Variants in SHISA9 observed in about 807,000 individuals in gnomAD.
The protein encoded by SHISA9 is shisa family member 9.
SHISA9 carries 13 observed loss-of-function variants against 38.0 expected under a neutral mutation model. The observed-to-expected ratio is 0.34, with a 90% CI of 0.22 to 0.54. SHISA9 has a LOEUF of 0.54. Ranked by LOEUF, SHISA9 falls within the 20% of genes least tolerant of loss-of-function variation. The pLI is 0.91. For synonymous variants in SHISA9, 275 were observed against 242.0 expected, an observed-to-expected ratio of 1.14 and a Z score of -1.27; for missense variants, 538 against 575.8, an observed-to-expected ratio of 0.93 and a Z score of 0.67.
intron 2 of SHISA9, among the ~76,000 whole-genome samples, chr16:12,950,057 C>T (rs972232089): frequency 5.9e-5 from 9 of 152,212 alleles, no homozygotes; most frequent in East Asian, 5.8e-4. Flanking sequence ...AAACACCGTT[C>T]TATTCTCTAG....
chr16:13,512,648 T>G, the SHISA9 span, among the ~76,000 whole-genome samples: 67 of 152,170 alleles, frequency 4.4e-4, no homozygotes, highest in African/African-American at 1.6e-3. Flanking sequence ...ATGGTACTGG[T>G]ACCAAAACAG....
the SHISA9 span, among the ~76,000 whole-genome samples, chr16:13,265,696 A>C: frequency 6.6e-6 from 1 of 151,788 alleles, no homozygotes; most frequent in African/African-American, 2.4e-5. Context: ...CAATCATCAA[A>C]CCATGTGATA....
At chr16:13,434,280 C>G in the SHISA9 span, among the ~76,000 whole-genome samples, 1 of 152,146 alleles carries the variant, frequency 6.6e-6, no homozygotes, top group Non-Finnish European at 1.5e-5. Flanking sequence ...GTAGGCCTTC[C>G]TTTCTCAGTC....
At chr16:13,244,694 C>T (rs2051459428), downstream of SHISA9, among the ~76,000 whole-genome samples, 1 of 152,218 alleles carries the variant, frequency 6.6e-6, no homozygotes, top group African/African-American at 2.4e-5. Context: ...TTTCCGACTA[C>T]ATGGGGTTTG....
chr16:13,164,983 A>G (rs2050623980), intron 2 of SHISA9, among the ~76,000 whole-genome samples: 1 of 152,132 alleles, frequency 6.6e-6, no homozygotes, highest in African/African-American at 2.4e-5. Context: ...CTCTGTATAT[A>G]ATGCATCCTT....
At chr16:13,295,251 A>T in the SHISA9 span, among the ~76,000 whole-genome samples, 1 of 152,190 alleles carries the variant, frequency 6.6e-6, no homozygotes, top group African/African-American at 2.4e-5. Flanking sequence ...GACAAAGGAA[A>T]ATATATCTGG....
chr16:13,056,850 G>T (rs1173629857), intron 2 of SHISA9, among the ~76,000 whole-genome samples: 1 of 152,308 alleles, frequency 6.6e-6, no homozygotes, highest in Non-Finnish European at 1.5e-5. Context: ...GCCACGAAGC[G>T]TTCATTCTCA....
chr16:13,512,489 AATT>A, the SHISA9 span, among the ~76,000 whole-genome samples: 5 of 152,228 alleles, frequency 3.3e-5, no homozygotes, highest in African/African-American at 4.8e-5. Flanking sequence ...TTCTTCACAG[AATT>A]AGAAAAAACT....
the SHISA9 span, among the ~76,000 whole-genome samples, chr16:13,480,247 T>C: frequency 6.6e-6 from 1 of 152,124 alleles, no homozygotes; most frequent in African/African-American, 2.4e-5. Flanking sequence ...TTCTCTCTTT[T>C]CTCAAGGGGT....
chr16:13,285,389 T>G, the SHISA9 span, among the ~76,000 whole-genome samples: 1 of 151,812 alleles, frequency 6.6e-6, no homozygotes, highest in Non-Finnish European at 1.5e-5. Flanking sequence ...GTAATTCTTC[T>G]GCCCAAGGCA....
chr16:13,172,555 C>T (rs1026293658), intron 2 of SHISA9, among the ~76,000 whole-genome samples: 2 of 152,144 alleles, frequency 1.3e-5, no homozygotes, highest in Admixed American at 1.3e-4. Flanking sequence ...TAGGGCTCCT[C>T]AGTTTCTTTT....
chr16:13,483,698 A>T, the SHISA9 span, among the ~76,000 whole-genome samples: 6 of 151,978 alleles, frequency 3.9e-5, no homozygotes, highest in African/African-American at 1.5e-4. Context: ...CCTGCTTTAT[A>T]TCCTGGCGAA....
At chr16:13,167,087 T>TTTTTTA (rs2050644164) in intron 2 of SHISA9, among the ~76,000 whole-genome samples, 1 of 150,052 alleles carries the variant, frequency 6.7e-6, no homozygotes, top group African/African-American at 2.4e-5. Flanking sequence ...TTTTTTTTTT[T>TTTTTTA]TTGAGACAGA....
At chr16:13,519,760 A>G in the SHISA9 span, among the ~76,000 whole-genome samples, 1 of 152,184 alleles carries the variant, frequency 6.6e-6, no homozygotes, top group African/African-American at 2.4e-5. Flanking sequence ...AGTGACATGC[A>G]AAAGGGGGAA....
chr16:13,321,041 T>A, the SHISA9 span, among the ~76,000 whole-genome samples: 1 of 152,232 alleles, frequency 6.6e-6, no homozygotes, highest in African/African-American at 2.4e-5. Flanking sequence ...GAACTAAATT[T>A]TTGACTTTAT....
chr16:13,436,014 T>C, the SHISA9 span, among the ~76,000 whole-genome samples: 1,650 of 152,294 alleles, frequency 0.011, 30 homozygotes, highest in African/African-American at 0.037. Flanking sequence ...GGCACCCTTG[T>C]AGGCCCAGTT....
chr16:12,956,073 C>T (rs1403689590), intron 2 of SHISA9, among the ~76,000 whole-genome samples: 1 of 152,044 alleles, frequency 6.6e-6, no homozygotes, highest in South Asian at 2.1e-4. Flanking sequence ...AACAAACAAC[C>T]CCGTTAAAAA....
At chr16:13,186,465 T>G (rs1434581221) in intron 2 of SHISA9, among the ~76,000 whole-genome samples, 1 of 151,620 alleles carries the variant, frequency 6.6e-6, no homozygotes, top group African/African-American at 2.4e-5. Flanking sequence ...ACCCGGCTAA[T>G]TTTTGTATTT....
intron 2 of SHISA9, among the ~76,000 whole-genome samples, chr16:12,969,622 C>T (rs1040791564): frequency 2.0e-5 from 3 of 152,016 alleles, no homozygotes; most frequent in Non-Finnish European, 2.9e-5. Flanking sequence ...TGGAGCATGC[C>T]TGTAGTCCCA....
Sources: gnomAD v4.1 joint callset for allele counts (sites outside exome capture counted in the v4.1 genomes callset) on GRCh38, gnomAD v4.1.1 for gene constraint, MANE v1.5 for transcripts, NCBI Gene and HGNC (gene_info 2026-07-23, HGNC 2026-07-21) for gene names.